The following TNFRSF11A variants were observed in gnomAD, a reference collection of about 807,000 sequenced individuals.
TNFRSF11A encodes tumor necrosis factor receptor superfamily member 11A.
TNFRSF11A carries 32 observed loss-of-function variants against 55.7 expected under a neutral mutation model. The observed-to-expected ratio is 0.57, with a 90% CI of 0.43 to 0.77. The LOEUF (loss-of-function observed/expected upper bound fraction) is 0.77. Among genes scored for constraint, TNFRSF11A ranks in the 30% least tolerant of loss-of-function variants. The pLI is 0.00. For synonymous variants in TNFRSF11A, 311 were observed against 331.0 expected, an observed-to-expected ratio of 0.94 and a Z score of 0.65; for missense variants, 753 against 809.8, an observed-to-expected ratio of 0.93 and a Z score of 0.85.
At position 62,369,266 on chromosome 18, in the gene TNFRSF11A, G is replaced by C. The variant is rs760995590; in HGVS notation, c.1349G>C (p.Arg450Pro). The change falls in exon 9 of 10, where the codon CGG becomes CCG. Residue 450 changes from arginine to proline, a missense_variant. Coordinates refer to ENST00000586569, the MANE Select transcript of TNFRSF11A (RefSeq NM_003839.4). ...TGGGCAGATGTCTGCACAGGCTGCCGGAACCCTCCTGGGGAGGACTGTGAA... is the reference window on the plus strand; with the variant it reads ...TGGGCAGATGTCTGCACAGGCTGCCCGAACCCTCCTGGGGAGGACTGTGAA... Reference protein sequence around the residue: ...PNWADVCTGCRNPPGEDCEPL... With the variant: ...PNWADVCTGCPNPPGEDCEPL... 3 of 1,613,408 alleles carry C rather than the reference G, an allele frequency of 1.9e-6. No homozygotes were observed. Among genetic ancestry groups the C allele is most frequent in the Non-Finnish European group, 2.5e-6 (3 of 1,180,016 alleles).
intron 9 of TNFRSF11A, among the ~76,000 whole-genome samples, chr18:62,370,804 T>C (rs1910491213): frequency 6.6e-6 from 1 of 150,646 alleles, no homozygotes; most frequent in Non-Finnish European, 1.5e-5. Flanking sequence ...TTCGTTTGCA[T>C]TGTTCTATTT....
rs67721371 is a variant in TNFRSF11A, at chr18:62,367,788, C to CTTTTTTT, written c.784-896_784-890dup. The stretch of plus-strand genomic sequence containing the variant: ...GATCTTTCTTTCTTTTCTTCTTCTT[C>CTTTTTTT]TTTTTTTTTTTTTTTTTTTTTTTGA... On this transcript the variant is annotated intron_variant, in intron 8 of 9. Transcript: ENST00000586569. Among the ~76,000 whole-genome samples the CTTTTTTT allele has an allele frequency of 4.7e-3, 371 of 78,696 alleles. 1 individual carries two copies. The highest frequency in any genetic ancestry group is 0.012 in the Middle Eastern group (1 of 84). The allele number at this position is 78,696 out of a possible 152,430, so 51.6% of individuals were successfully genotyped here. A position where few individuals can be genotyped will look rare whatever the true frequency, so the allele number is the denominator to read the frequency against.
At chr18:62,360,131 G>C in intron 6 of TNFRSF11A, 82 bp downstream of exon 6, 1 of 1,041,930 alleles carries the variant, frequency 9.6e-7, no homozygotes, top group Non-Finnish European at 1.5e-6. Context: ...ATGGCACGTG[G>C]ATTTGCGGGC....
chr18:62,333,689 G>T (rs1393833429), intron 1 of TNFRSF11A, among the ~76,000 whole-genome samples: 1 of 152,152 alleles, frequency 6.6e-6, no homozygotes, highest in East Asian at 1.9e-4. Flanking sequence ...CACCCCTCAG[G>T]TAAACTGCTT....
At chr18:62,333,332 T>C (rs2046183176) in intron 1 of TNFRSF11A, among the ~76,000 whole-genome samples, 1 of 152,118 alleles carries the variant, frequency 6.6e-6, no homozygotes, top group Non-Finnish European at 1.5e-5. Context: ...TCAGAAACTC[T>C]GGGGGTGGGG....
chr18:62,361,213 C>T (rs1376254354), intron 6 of TNFRSF11A, among the ~76,000 whole-genome samples: 6 of 152,050 alleles, frequency 3.9e-5, no homozygotes, highest in South Asian at 4.2e-4. Context: ...CACGTGGTGT[C>T]GGGGATGAAA....
chr18:62,348,811 C>G lies in TNFRSF11A; in HGVS notation c.157+562C>G, dbSNP rs551407052. 2.0e-4 allele frequency among the ~76,000 whole-genome samples: 30 copies of G among 152,202 alleles called. 1 individual carries two copies. Among genetic ancestry groups the G allele is most frequent in the South Asian group, 4.1e-4 (2 of 4,832 alleles). The stretch of plus-strand genomic sequence containing the variant: ...CCACAGTCCACGGGGCCCGCACTCT[C>G]TCATCATTCTGGGGAGGGGAAGGTG... On this transcript the variant is annotated intron_variant, in intron 2 of 9. Coordinates refer to ENST00000586569, the MANE Select transcript of TNFRSF11A (RefSeq NM_003839.4).
chr18:62,379,999 G>A (rs1392756580), intron 9 of TNFRSF11A, among the ~76,000 whole-genome samples: 4 of 152,234 alleles, frequency 2.6e-5, no homozygotes, highest in African/African-American at 9.6e-5. Flanking sequence ...AGTTCCCAGA[G>A]TAATGCTCCT....
rs778722883 is a variant in TNFRSF11A, at chr18:62,368,978, C to T, written c.1061C>T (p.Ser354Phe). ...PTEDEYMDRP[S>F]QPTDQLLFLT... ...GAAGATGAATACATGGACAGGCCCT[C>T]CCAGCCCACAGACCAGTTACTGTTC... Residue 354 changes from serine to phenylalanine, a missense_variant, in exon 9 of 10, where the codon TCC (serine) becomes TTC (phenylalanine). By Grantham distance (155) the Ser-to-Phe change is radical. Transcript: ENST00000586569. The T allele has an allele frequency of 6.2e-7, 1 of 1,614,248 alleles. No homozygotes were observed. The highest frequency in any genetic ancestry group is 8.5e-7 in the Non-Finnish European group (1 of 1,180,048).
chr18:62,360,325 T>C (rs963276833), intron 6 of TNFRSF11A, among the ~76,000 whole-genome samples: 2 of 152,170 alleles, frequency 1.3e-5, no homozygotes, highest in African/African-American at 4.8e-5. Context: ...TGCTCAGACA[T>C]GGTGGGATGA....
intron 2 of TNFRSF11A, among the ~76,000 whole-genome samples, chr18:62,349,137 C>A (rs1274026823): frequency 6.6e-6 from 1 of 150,820 alleles, no homozygotes; most frequent in Non-Finnish European, 1.5e-5. Flanking sequence ...TCAAGTTCTG[C>A]GGCCCAGTTT....
intron 1 of TNFRSF11A, among the ~76,000 whole-genome samples, chr18:62,342,559 C>T (rs1425898140): frequency 6.6e-6 from 1 of 152,068 alleles, no homozygotes; most frequent in Admixed American, 6.6e-5. Context: ...TGCTGCGAAT[C>T]ACCATGGTGG....
Position 62,354,462 on chromosome 18 carries a change from C to T in TNFRSF11A, c.355C>T (p.His119Tyr), listed in dbSNP as rs757654587. The change falls in exon 4 of 10, where the codon CAC becomes TAC. Residue 119 changes from histidine to tyrosine, a missense_variant. His to Tyr is a moderately conservative substitution (Grantham distance 83, BLOSUM62 2). Coordinates refer to ENST00000586569, the MANE Select transcript of TNFRSF11A (RefSeq NM_003839.4). ...PRRCACTAGYHWSQDCECCRR... is the reference protein window; with the variant it reads ...PRRCACTAGYYWSQDCECCRR... ...GCGCTGCGCGTGCACGGCTGGGTAC[C>T]ACTGGAGCCAGGACTGCGAGTGCTG... 1.1e-5 allele frequency: 17 copies of T among 1,601,162 alleles called. No individual in the cohort carries two copies. In the South Asian group the frequency reaches 1.4e-4, roughly 13 times the overall value.
intron 3 of TNFRSF11A, among the ~76,000 whole-genome samples, chr18:62,351,666 G>C (rs748874007): frequency 6.6e-6 from 1 of 152,196 alleles, no homozygotes; most frequent in Non-Finnish European, 1.5e-5. Flanking sequence ...ATATAGAAAA[G>C]ATAGAATAAA....
At chr18:62,345,273 A>C (rs1335627231) in intron 1 of TNFRSF11A, among the ~76,000 whole-genome samples, 1 of 152,208 alleles carries the variant, frequency 6.6e-6, no homozygotes, top group African/African-American at 2.4e-5. Context: ...AAAAGGGGCA[A>C]TAAAGGCATG....
In TNFRSF11A at chr18:62,387,892, G is replaced by A. The variant is rs1419915769; in HGVS notation, c.*2858G>A. 1.3e-5 allele frequency: 2 copies of A among 152,262 alleles called. No homozygotes were observed. Among genetic ancestry groups the A allele is most frequent in the African/African-American group, 4.8e-5 (2 of 41,434 alleles). The allele number at this position is 152,262 out of a possible 1,614,324, so 9.4% of individuals were successfully genotyped here. Reference sequence around the variant, plus strand: ...GTGCTTTGGGAGGCCAAGGCAGGAGGATCACTTGAGGACAGTAGTTAGAGA... The same window carrying A: ...GTGCTTTGGGAGGCCAAGGCAGGAGAATCACTTGAGGACAGTAGTTAGAGA... On this transcript the variant is annotated 3_prime_UTR_variant, in exon 10 of 10. Coordinates refer to ENST00000586569, the MANE Select transcript of TNFRSF11A (RefSeq NM_003839.4).
In TNFRSF11A at chr18:62,359,968, G is replaced by A. The variant is rs886054084; in HGVS notation, c.535G>A (p.Gly179Arg). Reference protein sequence around the residue: ...CRPWTNCTFLGKRVEHHGTEK... With the variant: ...CRPWTNCTFLRKRVEHHGTEK... The stretch of plus-strand genomic sequence containing the variant: ...TTTCCCCCACAGCTGTACCTTCCTT[G>A]GAAAGAGAGTAGAACATCATGGGAC... Residue 179 changes from glycine to arginine, a missense_variant, in exon 6 of 10, where the codon GGA (glycine) becomes AGA (arginine). Coordinates refer to ENST00000586569, the MANE Select transcript of TNFRSF11A (RefSeq NM_003839.4). 1.9e-6 allele frequency: 3 copies of A among 1,613,958 alleles called. No homozygotes were observed. The highest frequency in any genetic ancestry group is 2.5e-6 in the Non-Finnish European group (3 of 1,179,870).
intron 1 of TNFRSF11A, among the ~76,000 whole-genome samples, chr18:62,334,627 A>G (rs1389711153): frequency 6.6e-6 from 1 of 151,798 alleles, no homozygotes; most frequent in Non-Finnish European, 1.5e-5. Context: ...TAATCTGGGG[A>G]CTCTTCCCTT....
intron 1 of TNFRSF11A, among the ~76,000 whole-genome samples, chr18:62,346,815 C>G (rs57466558): frequency 0.087 from 13,200 of 152,194 alleles, 1,388 homozygotes; most frequent in East Asian, 0.3. Flanking sequence ...GCCATATTAT[C>G]TCTGCGCCCT....
Sources: allele counts gnomAD v4.1 joint callset (sites outside exome capture counted in the v4.1 genomes callset), GRCh38; gene constraint gnomAD v4.1.1; transcripts MANE v1.5; gene names NCBI Gene and HGNC (gene_info 2026-07-23, HGNC 2026-07-21).